Variants in RAMAC observed in about 807,000 individuals in gnomAD.
RAMAC encodes RNA guanine-N7 methyltransferase activating subunit.
A neutral mutation model predicts 17.9 loss-of-function variants in RAMAC; 11 were observed. The observed-to-expected ratio is 0.61, with a 90% CI of 0.39 to 1.02. The LOEUF is 1.02. RAMAC is among the 50% of genes least tolerant of loss of function. The pLI, the probability that RAMAC is intolerant of heterozygous loss-of-function variation, is 0.01. For missense variants in RAMAC, 109 were observed against 144.0 expected (o/e 0.76, Z 1.25); for synonymous variants, 27 against 48.4 (o/e 0.56, Z 1.84).
chr15:82,988,090 ACTTTGGG>A (rs561035501), intron 2 of RAMAC, among the ~76,000 whole-genome samples: 425 of 150,262 alleles, frequency 2.8e-3, no homozygotes, highest in African/African-American at 0.01. Flanking sequence ...TAATCCCAGG[ACTTTGGG>A]AGGCCAAAGC....
chr15:82,986,519 G>A (rs1451897868), intron 1 of RAMAC, 150 bp downstream of exon 1: 1 of 152,282 alleles, frequency 6.6e-6, no homozygotes, highest in Non-Finnish European at 1.5e-5. Context: ...CACTTCTGGA[G>A]GTATAAGGTG....
chr15:82,990,851 TCTTA>T lies in RAMAC; in HGVS notation c.*788_*791del. 4.0e-6 allele frequency: 2 copies of T among 503,024 alleles called. No homozygotes were observed. The highest frequency in any genetic ancestry group is 7.1e-6 in the Non-Finnish European group (2 of 281,602). The allele number at this position is 503,024 out of a possible 1,614,324, so 31.2% of individuals were successfully genotyped here. The stretch of plus-strand genomic sequence containing the variant: ...GTAAATAATGCTGCATTTTGATGGT[TCTTA>T]CTTTTTTGGTATTTAATGTGGGCTG... On this transcript the variant is annotated 3_prime_UTR_variant, in exon 4 of 4. Transcript: ENST00000304191.
At chr15:82,987,115 C>T (rs894861965) in intron 1 of RAMAC, among the ~76,000 whole-genome samples, 5 of 152,112 alleles carry the variant, frequency 3.3e-5, no homozygotes, top group African/African-American at 4.8e-5. Context: ...GACGAGGTTT[C>T]ACCGTGTTAG....
At chr15:82,986,978 G>A (rs1396955448) in intron 1 of RAMAC, among the ~76,000 whole-genome samples, 59 of 152,034 alleles carry the variant, frequency 3.9e-4, no homozygotes, top group East Asian at 9.7e-4. Flanking sequence ...CTGTCGCCCA[G>A]GCTGGAGTGC....
intron 2 of RAMAC, among the ~76,000 whole-genome samples, chr15:82,987,760 C>T (rs1209771992): frequency 6.6e-6 from 1 of 152,170 alleles, no homozygotes; most frequent in Non-Finnish European, 1.5e-5. Flanking sequence ...GAGTGTCAGG[C>T]TGGGCGCGGT....
intron 2 of RAMAC, 194 bp from the exon 3 acceptor site, chr15:82,988,816 A>G (rs527609757): frequency 1.9e-6 from 1 of 526,286 alleles, no homozygotes; most frequent in African/African-American, 2.0e-5. Context: ...CCTGGGTGAC[A>G]AAGTGAGAGA....
intron 3 of RAMAC, among the ~76,000 whole-genome samples, chr15:82,989,408 T>C (rs2030761991): frequency 6.6e-6 from 1 of 152,258 alleles, no homozygotes; most frequent in Non-Finnish European, 1.5e-5. Flanking sequence ...TGTGTTTTTT[T>C]GTTTTTAGAT....
rs569379631 is a variant in RAMAC at position 82,988,899 on chromosome 15, A to G, written c.-9-111A>G. ...ATGACATGTCTGAAAGCACACAAAG[A>G]CTTCCATGAATACCCCGCCTAAAAA... On this transcript the variant is annotated intron_variant, in intron 2 of 3. Coordinates refer to ENST00000304191, the MANE Select transcript of RAMAC (RefSeq NM_031452.4). 102 of 914,438 alleles carry G rather than the reference A, an allele frequency of 1.1e-4. No individual in the cohort carries two copies. In the African/African-American group the frequency reaches 1.6e-3, roughly 14 times the overall value. The allele number at this position is 914,438 out of a possible 1,614,324, so 56.6% of individuals were successfully genotyped here. A position where few individuals can be genotyped will look rare whatever the true frequency, so the allele number is the denominator to read the frequency against.
chr15:82,988,189 G>A (rs1247318428), intron 2 of RAMAC, among the ~76,000 whole-genome samples: 4 of 152,036 alleles, frequency 2.6e-5, no homozygotes, highest in Non-Finnish European at 5.9e-5. Context: ...AATTAGCTGG[G>A]TGTGGTGGCG....
chr15:82,989,718 G>C, intron 3 of RAMAC, among the ~76,000 whole-genome samples, 163 bp from the exon 4 acceptor site: 1 of 152,160 alleles, frequency 6.6e-6, no homozygotes, highest in East Asian at 1.9e-4. Context: ...TCAATCTTAG[G>C]AAAGTTTTGA....
At chr15:82,988,950 T>G (rs2030740477) in intron 2 of RAMAC, 60 bp from the exon 3 acceptor site, 1 of 1,482,324 alleles carries the variant, frequency 6.7e-7, no homozygotes, top group Non-Finnish European at 9.0e-7. Context: ...TTTTTCATTA[T>G]TTGGAGAGAG....
At chr15:82,988,201 G>T (rs1057136272) in intron 2 of RAMAC, among the ~76,000 whole-genome samples, 2 of 151,788 alleles carry the variant, frequency 1.3e-5, no homozygotes, top group Non-Finnish European at 2.9e-5. Flanking sequence ...GTGGTGGCGC[G>T]TGCCTGTAAT....
At chr15:82,988,898 G>T in intron 2 of RAMAC, 112 bp from the exon 3 acceptor site, 2 of 866,302 alleles carry the variant, frequency 2.3e-6, no homozygotes, top group Non-Finnish European at 3.5e-6. Context: ...AGCACACAAA[G>T]ACTTCCATGA....
chr15:82,989,527 G>A (rs1283928024), intron 3 of RAMAC, among the ~76,000 whole-genome samples: 1 of 152,142 alleles, frequency 6.6e-6, no homozygotes, highest in Admixed American at 6.5e-5. Context: ...TTTACTTTAG[G>A]AAGAAGTTTA....
rs751514592 is a variant in RAMAC at position 82,989,985 on chromosome 15, C to T, written c.275C>T (p.Pro92Leu). 186 of 1,603,108 alleles carry T rather than the reference C, an allele frequency of 1.2e-4. 2 individuals carry two copies. In the East Asian group the frequency reaches 3.8e-3, roughly 33 times the overall value. The part of the protein sequence containing the change: ...WHGRSWGNNY[P>L]QHRQEPYYPQ... ...GGACGATCCTGGGGTAACAACTACC[C>T]GCAACACAGACAAGAACCTTACTAT... The change falls in exon 4 of 4, where the codon CCG becomes CTG. Residue 92 changes from proline to leucine, a missense_variant. Transcript: ENST00000304191.
Position 82,990,706 on chromosome 15 carries a change from G to A in RAMAC, c.*639G>A. The A allele has an allele frequency of 6.9e-7, 1 of 1,439,508 alleles. No homozygotes were observed. Among genetic ancestry groups the A allele is most frequent in the Non-Finnish European group, 9.6e-7 (1 of 1,045,692 alleles). 89.2% of individuals were successfully genotyped at this position (1,439,508 alleles called of 1,614,324 possible). A position where few individuals can be genotyped will look rare whatever the true frequency, so the allele number is the denominator to read the frequency against. On this transcript the variant is annotated 3_prime_UTR_variant, in exon 4 of 4. Transcript: ENST00000304191. ...TCAGTTTGTGTCTTGATCTGGTGGT[G>A]GTTGGGATAAGGGTACACATCATTT...
chr15:82,989,279 A>C, intron 3 of RAMAC, 91 bp downstream of exon 3: 7 of 1,376,024 alleles, frequency 5.1e-6, no homozygotes, highest in Non-Finnish European at 6.9e-6. Context: ...GGCAGGGACC[A>C]GTGTTTTTGG....
rs763578602 is a variant in RAMAC at position 82,989,913 on chromosome 15, A to C, written c.203A>C (p.Asp68Ala). 6 of 1,612,242 alleles carry C rather than the reference A, an allele frequency of 3.7e-6. 1 individual carries two copies. In the South Asian group the frequency reaches 6.6e-5, roughly 18 times the overall value. ...LQDNRQFRGRDNRWGWPSDNR... is the reference protein window; with the variant it reads ...LQDNRQFRGRANRWGWPSDNR... ...GACAACAGACAGTTCAGAGGCAGGG[A>C]CAACAGATGGGGGTGGCCAAGTGAC... The change falls in exon 4 of 4, where the codon GAC (aspartate) becomes GCC (alanine). Residue 68 changes from aspartate to alanine, a missense_variant. Asp to Ala is a moderately radical substitution (Grantham distance 126). Coordinates refer to ENST00000304191, the MANE Select transcript of RAMAC (RefSeq NM_031452.4).
At chr15:82,989,593 A>G (rs527890542) in intron 3 of RAMAC, among the ~76,000 whole-genome samples, 42 of 152,350 alleles carry the variant, frequency 2.8e-4, no homozygotes, top group African/African-American at 1.0e-3. Context: ...ATAAATTACC[A>G]TACCATTTTT....
Sources: allele counts gnomAD v4.1 joint callset (sites outside exome capture counted in the v4.1 genomes callset), GRCh38; gene constraint gnomAD v4.1.1; transcripts MANE v1.5; gene names NCBI Gene and HGNC (gene_info 2026-07-23, HGNC 2026-07-21).